Variants in SYN3 observed in about 807,000 individuals in gnomAD.
SYN3 encodes the protein synapsin-3.
In SYN3, 35 loss-of-function variants were observed where a neutral mutation model predicts 65.8. That is an observed-to-expected ratio of 0.53 (90% CI 0.41 to 0.70). The LOEUF (loss-of-function observed/expected upper bound fraction) is 0.70, where lower values mean the gene tolerates loss of function less well. SYN3 is among the 30% of genes least tolerant of loss of function. The pLI is 0.00. For missense variants in SYN3, 680 were observed against 749.0 expected, an observed-to-expected ratio of 0.91 and a Z score of 1.08; for synonymous variants, 270 against 292.9, an observed-to-expected ratio of 0.92 and a Z score of 0.80.
chr22:33,005,319 G>A lies in SYN3; in HGVS notation c.311+1033C>T, dbSNP rs533308634. Among the ~76,000 whole-genome samples the A allele has an allele frequency of 5.9e-5, 9 of 152,274 alleles. No homozygotes were observed. In the South Asian group the frequency reaches 6.2e-4, roughly 11 times the overall value. On this transcript the variant is annotated intron_variant, in intron 2 of 13. Transcript: ENST00000358763. ...TCAGACTTTTCTGGTTCCCATCCAT[G>A]TATTCCTCTGCTCTGGATGCAATGC...
intron 6 of SYN3, among the ~76,000 whole-genome samples, chr22:32,657,339 G>T (rs1322148728): frequency 6.6e-6 from 1 of 151,838 alleles, no homozygotes; most frequent in Non-Finnish European, 1.5e-5. Context: ...TAGCCAGGAT[G>T]GTCTCGATCT....
At chr22:32,949,310 G>A (rs1009777079) in intron 3 of SYN3, among the ~76,000 whole-genome samples, 8 of 152,050 alleles carry the variant, frequency 5.3e-5, no homozygotes, top group Admixed American at 1.3e-4. Flanking sequence ...AGCGGGGGGC[G>A]GGGGTGCTCA....
intron 4 of SYN3, among the ~76,000 whole-genome samples, chr22:32,886,230 T>C (rs2049284453): frequency 6.6e-6 from 1 of 152,244 alleles, no homozygotes; most frequent in African/African-American, 2.4e-5. Context: ...TAATGAGGTC[T>C]GGCAACCCCT....
chr22:32,607,697 C>T (rs976529340), intron 6 of SYN3, among the ~76,000 whole-genome samples: 1 of 152,362 alleles, frequency 6.6e-6, no homozygotes, highest in Non-Finnish European at 1.5e-5. Flanking sequence ...TCTTACATTT[C>T]CTGTTTCCCT....
At chr22:32,548,075 G>A (rs557364102) in intron 7 of SYN3, among the ~76,000 whole-genome samples, 17 of 152,216 alleles carry the variant, frequency 1.1e-4, no homozygotes, top group Middle Eastern at 3.4e-3. Flanking sequence ...ATCATGAAAC[G>A]CCCACATTTG....
At chr22:32,650,471 G>T (rs1207182866) in intron 6 of SYN3, among the ~76,000 whole-genome samples, 1 of 151,870 alleles carries the variant, frequency 6.6e-6, no homozygotes, top group Non-Finnish European at 1.5e-5. Flanking sequence ...TCACCATGTT[G>T]CCCCGGCTGG....
At chr22:32,788,540 CA>C (rs539407036) in intron 6 of SYN3, among the ~76,000 whole-genome samples, 4,949 of 142,752 alleles carry the variant, frequency 0.035, 100 homozygotes, top group Middle Eastern at 0.072. Flanking sequence ...GACTCCATCT[CA>C]AAAAAAAAAA....
chr22:32,885,039 C>T (rs1601620378), intron 4 of SYN3, among the ~76,000 whole-genome samples: 2 of 151,954 alleles, frequency 1.3e-5, no homozygotes, highest in Non-Finnish European at 2.9e-5. Context: ...CAAACACTTC[C>T]GAGAATGAAA....
At chr22:32,787,337 C>T (rs557416659) in intron 6 of SYN3, among the ~76,000 whole-genome samples, 16 of 152,312 alleles carry the variant, frequency 1.1e-4, no homozygotes, top group African/African-American at 3.4e-4. Flanking sequence ...CGTGAGCCAC[C>T]GCACCCAACC....
chr22:32,824,063 G>A (rs1479154451), intron 6 of SYN3, among the ~76,000 whole-genome samples: 1 of 152,134 alleles, frequency 6.6e-6, no homozygotes, highest in Admixed American at 6.5e-5. Context: ...CGGATCATGA[G>A]GTCAGGAGAT....
chr22:32,585,988 AT>A (rs2059025114), intron 7 of SYN3, among the ~76,000 whole-genome samples: 1 of 82,044 alleles, frequency 1.2e-5, no homozygotes, highest in African/African-American at 3.7e-5. Flanking sequence ...ATATGTATGT[AT>A]ACGTATATAT....
At chr22:32,984,353 A>G (rs2052463098) in intron 2 of SYN3, among the ~76,000 whole-genome samples, 1 of 152,036 alleles carries the variant, frequency 6.6e-6, no homozygotes, top group Non-Finnish European at 1.5e-5. Context: ...TGGTTCTCAG[A>G]CCTCACCCAA....
intron 6 of SYN3, among the ~76,000 whole-genome samples, chr22:32,772,237 T>C (rs888108903): frequency 6.6e-6 from 1 of 151,600 alleles, no homozygotes; most frequent in Non-Finnish European, 1.5e-5. Flanking sequence ...TTGGTGTTGT[T>C]TTGTTCTTCT....
intron 3 of SYN3, among the ~76,000 whole-genome samples, chr22:32,954,460 A>C (rs2051385399): frequency 6.6e-6 from 1 of 152,270 alleles, no homozygotes; most frequent in Non-Finnish European, 1.5e-5. Context: ...GATACAAAGA[A>C]AAGAACAGTG....
intron 1 of SYN3, among the ~76,000 whole-genome samples, chr22:33,028,652 G>GTGA (rs2053681988): frequency 9.6e-6 from 1 of 104,706 alleles, no homozygotes; most frequent in African/African-American, 5.8e-5. Flanking sequence ...GATGGTGGTG[G>GTGA]TGGTGGTGGT....
At chr22:32,916,562 G>A (rs1018689421) in intron 4 of SYN3, among the ~76,000 whole-genome samples, 3 of 152,126 alleles carry the variant, frequency 2.0e-5, no homozygotes, top group Admixed American at 1.3e-4. Flanking sequence ...CATACAACAT[G>A]TTATTCTGTG....
At chr22:33,016,021 T>C (rs1374425942) in intron 1 of SYN3, among the ~76,000 whole-genome samples, 1 of 152,078 alleles carries the variant, frequency 6.6e-6, no homozygotes, top group African/African-American at 2.4e-5. Context: ...TTTTTTTGTA[T>C]TTTTAGTTGA....
intron 6 of SYN3, among the ~76,000 whole-genome samples, chr22:32,854,603 C>CT (rs1218070546): frequency 6.6e-6 from 1 of 152,172 alleles, no homozygotes; most frequent in Non-Finnish European, 1.5e-5. Flanking sequence ...TCGAAGGCCA[C>CT]ACTCCATGGC....
At chr22:32,590,427 T>C (rs2059112465) in intron 7 of SYN3, among the ~76,000 whole-genome samples, 1 of 152,252 alleles carries the variant, frequency 6.6e-6, no homozygotes, top group Non-Finnish European at 1.5e-5. Flanking sequence ...ATGAATATAC[T>C]ACAATTGATT....
Sources: gnomAD v4.1 joint callset for allele counts (sites outside exome capture counted in the v4.1 genomes callset) on GRCh38, gnomAD v4.1.1 for gene constraint, MANE v1.5 for transcripts, NCBI Gene and HGNC (gene_info 2026-07-23, HGNC 2026-07-21) for gene names.